Variants in PDS5A observed in about 807,000 individuals in gnomAD.
The protein encoded by PDS5A is PDS5 cohesin associated factor A.
Under a neutral mutation model 167.1 loss-of-function variants are expected in PDS5A, and 42 were observed. That is an observed-to-expected ratio of 0.25 (90% confidence interval 0.20 to 0.33). The LOEUF (loss-of-function observed/expected upper bound fraction) is 0.33. PDS5A is among the 10% of genes least tolerant of loss of function. PDS5A has a pLI of 1.00. For missense variants in PDS5A, 1,033 were observed against 1,605.9 expected, an observed-to-expected ratio of 0.64 and a Z score of 6.10; for synonymous variants, 553 against 554.6, an observed-to-expected ratio of 1.00 and a Z score of 0.04.
intron 19 of PDS5A, among the ~76,000 whole-genome samples, chr4:39,875,606 C>T (rs1201583777): frequency 1.3e-5 from 2 of 152,214 alleles, no homozygotes; most frequent in African/African-American, 4.8e-5. Context: ...GGAACATATG[C>T]TAGTTGGTAT....
At chr4:39,973,693 G>A in intron 2 of PDS5A, 2 of 1,290,046 alleles carry the variant, frequency 1.6e-6, no homozygotes, top group South Asian at 1.2e-5. Flanking sequence ...TCAGCGCAAA[G>A]AAGAGTGCCA....
At chr4:39,920,833 C>T (rs1313493500) in intron 6 of PDS5A, among the ~76,000 whole-genome samples, 1 of 152,164 alleles carries the variant, frequency 6.6e-6, no homozygotes, top group Non-Finnish European at 1.5e-5. Context: ...AAGAGTAGAC[C>T]TGGTAAGCGT....
At chr4:39,851,350 A>G (rs1185075476) in intron 26 of PDS5A, among the ~76,000 whole-genome samples, 1 of 150,126 alleles carries the variant, frequency 6.7e-6, no homozygotes, top group Non-Finnish European at 1.5e-5. Context: ...CTCAGGCTGG[A>G]GTGCAGTGGC....
At chr4:39,958,605 CTT>C (rs142278384) in intron 2 of PDS5A, among the ~76,000 whole-genome samples, 1 of 147,392 alleles carries the variant, frequency 6.8e-6, no homozygotes, top group Non-Finnish European at 1.5e-5. Context: ...CATTTCTTGT[CTT>C]TTTTTTTTTC....
rs143689166 is a variant in PDS5A, at chr4:39,947,880, C to T, written c.139-19716G>A. The stretch of plus-strand genomic sequence containing the variant: ...CAGTAGGCCCCAATTCCCAACACTG[C>T]TGCAATGAGAACCAAACTTCAACAT... On this transcript the variant is annotated intron_variant, in intron 2 of 32. Transcript: ENST00000303538. Among the ~76,000 whole-genome samples the T allele has an allele frequency of 1.2e-4, 18 of 152,282 alleles. 1 individual carries two copies. In the East Asian group the frequency reaches 3.5e-3, roughly 29 times the overall value.
At chr4:39,911,213 A>C (rs994913329) in intron 9 of PDS5A, among the ~76,000 whole-genome samples, 15 of 152,158 alleles carry the variant, frequency 9.9e-5, no homozygotes, top group African/African-American at 3.1e-4. Flanking sequence ...GGGCAAATCC[A>C]GAAGTTCAAA....
intron 32 of PDS5A, among the ~76,000 whole-genome samples, chr4:39,828,569 A>C (rs1003225224): frequency 2.0e-5 from 3 of 152,252 alleles, no homozygotes; most frequent in Admixed American, 2.0e-4. Context: ...AAAAGAGCTG[A>C]AGATGAAATG....
intron 32 of PDS5A, among the ~76,000 whole-genome samples, chr4:39,830,723 C>T (rs1715783140): frequency 6.6e-6 from 1 of 152,200 alleles, no homozygotes; most frequent in African/African-American, 2.4e-5. Flanking sequence ...CCATGCCCAG[C>T]CCATTTGAAC....
chr4:39,902,649 A>G (rs1023473843), intron 12 of PDS5A, among the ~76,000 whole-genome samples, 189 bp from the exon 13 acceptor site: 3 of 151,418 alleles, frequency 2.0e-5, no homozygotes, highest in Admixed American at 6.6e-5. Context: ...CAGCCTCTCC[A>G]GTAGCTAGGA....
chr4:39,938,315 G>A (rs1726846535), intron 2 of PDS5A, among the ~76,000 whole-genome samples: 2 of 152,144 alleles, frequency 1.3e-5, no homozygotes, highest in African/African-American at 4.8e-5. Context: ...AGCACTTTGG[G>A]AGGCCGAGGT....
At chr4:39,834,358 T>C (rs1271594718) in intron 32 of PDS5A, among the ~76,000 whole-genome samples, 1 of 152,116 alleles carries the variant, frequency 6.6e-6, no homozygotes, top group East Asian at 1.9e-4. Flanking sequence ...TTATTATGAG[T>C]GTTTGGACAA....
intron 22 of PDS5A, among the ~76,000 whole-genome samples, chr4:39,867,880 T>C (rs1203517422): frequency 6.6e-6 from 1 of 152,154 alleles, no homozygotes; most frequent in Non-Finnish European, 1.5e-5. Context: ...TTCAGTCTCA[T>C]TTAACATTGT....
intron 2 of PDS5A, among the ~76,000 whole-genome samples, chr4:39,948,005 A>C (rs903147159): frequency 6.6e-6 from 1 of 152,128 alleles, no homozygotes; most frequent in African/African-American, 2.4e-5. Flanking sequence ...GATCTTAGCA[A>C]TTTGGAAAGA....
intron 2 of PDS5A, chr4:39,973,690 AAAG>A: frequency 7.7e-7 from 1 of 1,293,060 alleles, no homozygotes; most frequent in African/African-American, 1.5e-5. Context: ...AGCTCAGCGC[AAAG>A]AAGAGTGCCA....
chr4:39,862,324 A>G lies in PDS5A; in HGVS notation c.2981T>C (p.Leu994Ser), dbSNP rs746885688. ...AACTACATATTCAGGCAACAGTGAT[A>G]ATAATTTCTCTGAAGTAAAAACATT... ...KQNPMATEKL[L>S]SLLPEYVVPY... The change falls in exon 26 of 33, where the codon TTA becomes TCA. Residue 994 changes from leucine (L) to serine (S), a missense_variant. Transcript: ENST00000303538. The G allele has an allele frequency of 1.7e-5, 25 of 1,461,358 alleles. No individual in the cohort carries two copies. The Admixed American group carries it at 4.8e-4, about 28-fold the overall frequency. The allele number at this position is 1,461,358 out of a possible 1,614,324, so 90.5% of individuals were successfully genotyped here.
At chr4:39,891,649 A>G (rs1038665234) in intron 16 of PDS5A, among the ~76,000 whole-genome samples, 2 of 149,078 alleles carry the variant, frequency 1.3e-5, no homozygotes, top group African/African-American at 2.4e-5. Context: ...TCCATCTCAA[A>G]AGAAACAGAA....
intron 16 of PDS5A, among the ~76,000 whole-genome samples, chr4:39,897,390 G>T (rs899043708): frequency 3.3e-5 from 5 of 152,088 alleles, no homozygotes; most frequent in African/African-American, 1.2e-4. Context: ...GCAACACAGA[G>T]ACAAAAATTT....
intron 23 of PDS5A, among the ~76,000 whole-genome samples, chr4:39,866,492 T>A (rs1188487502): frequency 6.6e-6 from 1 of 152,224 alleles, no homozygotes; most frequent in Non-Finnish European, 1.5e-5. Context: ...AGGGATGCTC[T>A]TTGAAGGCAG....
intron 14 of PDS5A, among the ~76,000 whole-genome samples, chr4:39,899,514 C>A (rs1024519086): frequency 1.3e-5 from 2 of 152,066 alleles, no homozygotes; most frequent in African/African-American, 2.4e-5. Context: ...AGACTCTATG[C>A]CTTGCAAAAT....
Sources: gnomAD v4.1 joint callset for allele counts (sites outside exome capture counted in the v4.1 genomes callset) on GRCh38, gnomAD v4.1.1 for gene constraint, MANE v1.5 for transcripts, NCBI Gene and HGNC (gene_info 2026-07-23, HGNC 2026-07-21) for gene names.